Variants in SERPINB7 observed in about 807,000 individuals in gnomAD.
SERPINB7 encodes serpin family B member 7.
Under a neutral mutation model 37.4 loss-of-function variants are expected in SERPINB7, and 31 were observed. The ratio of observed to expected loss-of-function variants is 0.83; its 90% CI spans 0.62 to 1.12. The LOEUF is 1.12. Among genes scored for constraint, SERPINB7 ranks in the 50% most tolerant of loss-of-function variants. The pLI is 0.00. For synonymous variants in SERPINB7, 163 were observed against 166.1 expected (o/e 0.98, Z 0.14); for missense variants, 521 against 455.3 (o/e 1.14, Z -1.31).
intron 1 of SERPINB7, among the ~76,000 whole-genome samples, chr18:63,777,141 T>C (rs948301871): frequency 6.6e-6 from 1 of 152,078 alleles, no homozygotes; most frequent in African/African-American, 2.4e-5. Context: ...TTAAATACAA[T>C]GTTCCCCAAA....
At chr18:63,762,702 A>G (rs2049160971) in intron 1 of SERPINB7, among the ~76,000 whole-genome samples, 1 of 152,106 alleles carries the variant, frequency 6.6e-6, no homozygotes, top group South Asian at 2.1e-4. Context: ...TTTGATACTC[A>G]CTTGTTCTGT....
At chr18:63,765,930 G>T (rs1322683353) in intron 1 of SERPINB7, among the ~76,000 whole-genome samples, 1 of 152,132 alleles carries the variant, frequency 6.6e-6, no homozygotes, top group Non-Finnish European at 1.5e-5. Flanking sequence ...GTAAGGGGTT[G>T]CTGGTCTTGC....
At position 63,783,186 on chromosome 18, in the gene SERPINB7, AAGAGAG is replaced by A. The variant is rs1200340375; in HGVS notation, c.168+690_168+695del. Among the ~76,000 whole-genome samples, 407 of 75,248 alleles carry A rather than the reference AAGAGAG, an allele frequency of 5.4e-3. 4 individuals are homozygous for A. Among genetic ancestry groups the A allele is most frequent in the South Asian group, 5.9e-3 (12 of 2,036 alleles). 49.4% of individuals were successfully genotyped at this position (75,248 alleles called of 152,430 possible). A position where few individuals can be genotyped will look rare whatever the true frequency, so the allele number is the denominator to read the frequency against. ...CAAAAAGAAAATAAAGAAAGAAAGA[AAGAGAG>A]AGAGAGAGAGAGAGAGAGAGAGAGA... On this transcript the variant is annotated intron_variant, in intron 2 of 7. Coordinates refer to ENST00000398019, the MANE Select transcript of SERPINB7 (RefSeq NM_003784.4).
chr18:63,781,143 T>C (rs2049297255), intron 1 of SERPINB7, among the ~76,000 whole-genome samples: 1 of 152,222 alleles, frequency 6.6e-6, no homozygotes, highest in Non-Finnish European at 1.5e-5. Context: ...TAGAATGTTC[T>C]TCTTTCAGAC....
At chr18:63,770,604 T>C (rs1466758372), upstream of SERPINB7, among the ~76,000 whole-genome samples, 1 of 152,088 alleles carries the variant, frequency 6.6e-6, no homozygotes, top group African/African-American at 2.4e-5. Flanking sequence ...AAGGAACATG[T>C]GAGTTTTTCT....
At chr18:63,800,483 C>T (rs112871846) in intron 6 of SERPINB7, among the ~76,000 whole-genome samples, 152 of 152,226 alleles carry the variant, frequency 1.0e-3, no homozygotes, top group African/African-American at 3.4e-3. Flanking sequence ...ATTATAGAGA[C>T]TTTTCAGTTA....
chr18:63,789,923 G>A (rs755810272), intron 2 of SERPINB7, among the ~76,000 whole-genome samples: 12 of 152,168 alleles, frequency 7.9e-5, no homozygotes, highest in Non-Finnish European at 1.6e-4. Context: ...ATCAAATGCT[G>A]ATGTTCCCAG....
chr18:63,764,023 G>T (rs1011405078), intron 1 of SERPINB7, among the ~76,000 whole-genome samples: 1 of 152,178 alleles, frequency 6.6e-6, no homozygotes, highest in Non-Finnish European at 1.5e-5. Context: ...CCCAAGTTAT[G>T]AAAACAGAAA....
intron 1 of SERPINB7, among the ~76,000 whole-genome samples, chr18:63,775,927 T>C (rs577404112): frequency 8.5e-5 from 13 of 152,192 alleles, no homozygotes; most frequent in African/African-American, 3.1e-4. Flanking sequence ...ACAAATGTGC[T>C]TGGGTTTGGA....
rs763305456 is a variant in SERPINB7, at chr18:63,798,746, G to T, written c.597G>T (p.Lys199Asn). Residue 199 changes from lysine to asparagine, a missense_variant and splice_region_variant, in exon 6 of 8, where the codon AAG (lysine) becomes AAT (asparagine). Physicochemically the swap from Lys to Asn is moderately conservative, Grantham distance 94. Coordinates refer to ENST00000398019, the MANE Select transcript of SERPINB7 (RefSeq NM_003784.4). ...ETINCHFKSP[K>N]CSGKAVAMMH... is the part of the protein sequence containing the mutation. ...TAAATTGCCATTTCAAATCTCCCAA[G>T]GTATGTCGTCAATCTCCTATTTAAT... The T allele has an allele frequency of 8.1e-6, 13 of 1,611,256 alleles. No homozygotes were observed. Among genetic ancestry groups the T allele is most frequent in the Non-Finnish European group, 1.0e-5 (12 of 1,179,052 alleles).
chr18:63,761,627 G>A (rs2144585981), intron 1 of SERPINB7, among the ~76,000 whole-genome samples: 1 of 152,260 alleles, frequency 6.6e-6, no homozygotes, highest in South Asian at 2.1e-4. Context: ...GGGACCCAGG[G>A]AGAGGCAATT....
At chr18:63,771,765 A>G (rs1212841087), upstream of SERPINB7, among the ~76,000 whole-genome samples, 1 of 151,980 alleles carries the variant, frequency 6.6e-6, no homozygotes, top group East Asian at 1.9e-4. Flanking sequence ...GAACAGATGG[A>G]CTGTGATTTT....
intron 2 of SERPINB7, among the ~76,000 whole-genome samples, chr18:63,786,616 C>CT (rs56247165): frequency 1.3e-5 from 2 of 151,690 alleles, no homozygotes; most frequent in South Asian, 2.1e-4. Context: ...TTCATAGTAT[C>CT]TTTTTTTTTA....
intron 1 of SERPINB7, among the ~76,000 whole-genome samples, chr18:63,755,191 A>C (rs1242345470): frequency 6.6e-6 from 1 of 152,168 alleles, no homozygotes; most frequent in African/African-American, 2.4e-5. Flanking sequence ...GGCGTGAGCC[A>C]CCGCGCCCGG....
At chr18:63,786,227 T>C (rs1599009195) in intron 2 of SERPINB7, among the ~76,000 whole-genome samples, 2 of 121,466 alleles carry the variant, frequency 1.6e-5, no homozygotes, top group African/African-American at 2.8e-5. Flanking sequence ...TATATATATA[T>C]ATATATACAC....
chr18:63,791,736 G>A (rs1158819480), intron 2 of SERPINB7, among the ~76,000 whole-genome samples: 6 of 151,856 alleles, frequency 4.0e-5, no homozygotes, highest in Non-Finnish European at 5.9e-5. Context: ...TCAGCCTCCC[G>A]AGTAGCTGGG....
At chr18:63,794,715 A>G (rs999891806) in intron 4 of SERPINB7, among the ~76,000 whole-genome samples, 35 of 133,838 alleles carry the variant, frequency 2.6e-4, no homozygotes, top group African/African-American at 9.6e-4. Context: ...AATAAACAAA[A>G]AAACAAAAAA....
At chr18:63,795,030 G>A (rs2049472386) in intron 4 of SERPINB7, among the ~76,000 whole-genome samples, 5 of 152,118 alleles carry the variant, frequency 3.3e-5, no homozygotes, top group Admixed American at 3.3e-4. Context: ...CTAATGTGTT[G>A]ATAAATTAGA....
intron 7 of SERPINB7, among the ~76,000 whole-genome samples, chr18:63,802,003 G>C (rs976025230): frequency 6.6e-6 from 1 of 152,150 alleles, no homozygotes; most frequent in Non-Finnish European, 1.5e-5. Flanking sequence ...GGGCTACTAT[G>C]ATCCTTGCTT....
Sources: gnomAD v4.1 joint callset for allele counts (sites outside exome capture counted in the v4.1 genomes callset) on GRCh38, gnomAD v4.1.1 for gene constraint, MANE v1.5 for transcripts, NCBI Gene and HGNC (gene_info 2026-07-23, HGNC 2026-07-21) for gene names.